Variants in IRS4 observed in about 807,000 individuals in gnomAD.
IRS4 encodes 160 kDa phosphotyrosine protein.
A neutral mutation model predicts 48.6 loss-of-function variants in IRS4; 15 were observed. That is an observed-to-expected ratio of 0.31 (90% CI 0.21 to 0.48). IRS4 has a LOEUF of 0.48. Ranked by LOEUF, IRS4 falls within the 20% of genes least tolerant of loss-of-function variation. The pLI, the probability that IRS4 is intolerant of heterozygous loss-of-function variation, is 0.99. For missense variants in IRS4, 987 were observed against 1,023.4 expected, an observed-to-expected ratio of 0.96 and a Z score of 0.49; for synonymous variants, 459 against 413.2, an observed-to-expected ratio of 1.11 and a Z score of -1.34.
Position 108,735,948 on chromosome X carries a change from CGG to C in IRS4, c.395_396del (p.Ala132GlyfsTer100). ...VRAAAAAAAA[A>X]ASGAAIPPLI... Reference sequence around the variant, plus strand: ...AGCGGGGGGATCGCGGCGCCAGAGGCGGCCGCCGCTGCTGCAGCCGCCGCGGC... The same window carrying C: ...AGCGGGGGGATCGCGGCGCCAGAGGCCCGCCGCTGCTGCAGCCGCCGCGGC... On this transcript the variant is annotated frameshift_variant, in exon 1 of 2. Coordinates refer to ENST00000372129, the MANE Select transcript of IRS4 (RefSeq NM_001379150.1). LOFTEE classifies it high-confidence loss of function. The C allele has an allele frequency of 8.3e-7, 1 of 1,203,341 alleles. No homozygotes were observed. Among genetic ancestry groups the C allele is most frequent in the Non-Finnish European group, 1.1e-6 (1 of 891,604 alleles).
In IRS4 at chrX:108,720,889, G is replaced by A. The variant is rs772291779; in HGVS notation, c.*1630C>T. The stretch of plus-strand genomic sequence containing the variant: ...ACCATCCCTTTGGTTGGTAGGCAAG[G>A]AAAAATAGAAGTCAACTCGGTTCTT... On this transcript the variant is annotated 3_prime_UTR_variant, in exon 2 of 2. Transcript: ENST00000372129. The A allele has an allele frequency of 2.9e-4, 33 of 112,100 alleles. No individual in the cohort carries two copies. The highest frequency in any genetic ancestry group is 9.1e-4 in the African/African-American group (28 of 30,870). 9.2% of individuals were successfully genotyped at this position (112,100 alleles called of 1,213,427 possible).
rs753856141 is a variant in IRS4, at chrX:108,734,554, C to T, written c.1791G>A (p.Gly597=). 3 of 1,211,706 alleles carry T rather than the reference C, an allele frequency of 2.5e-6. No individual in the cohort carries two copies. The East Asian group carries it at 8.9e-5, about 36-fold the overall frequency. Residue 597 remains glycine, a synonymous_variant, in exon 1 of 2, where the codon GGG becomes GGA. Coordinates refer to ENST00000372129, the MANE Select transcript of IRS4 (RefSeq NM_001379150.1). ...NSGGGKGSGS[G]KGSDGDGERG... is the part of the protein sequence containing the mutation. ...GTTCACCATCACCATCGGATCCTTT[C>T]CCACTTCCTGAGCCTTTGCCCCCCC...
rs757100988 is a variant in IRS4 at position 108,734,068 on chromosome X, T to G, written c.2277A>C (p.Pro759=). Residue 759 remains proline, a synonymous_variant, in exon 1 of 2, where the codon CCA becomes CCC. Coordinates refer to ENST00000372129, the MANE Select transcript of IRS4 (RefSeq NM_001379150.1). ...CCTCTTTATTAGTATCAGGTGCTTT[T>G]GGAGGACTCGGAGCAGGTGGTGGGC... ...RVSPPPAPSP[P]KAPDTNKEDD... is the part of the protein sequence containing the mutation. The G allele has an allele frequency of 6.6e-6, 8 of 1,211,826 alleles. No homozygotes were observed. The highest frequency in any genetic ancestry group is 8.9e-6 in the Non-Finnish European group (8 of 895,541).
chrX:108,725,944 T>G (rs1439142962), intron 1 of IRS4: 2 of 111,996 alleles, frequency 1.8e-5, no homozygotes, highest in Non-Finnish European at 3.8e-5. Flanking sequence ...CATTCCAGTC[T>G]TGAGTATCTG....
rs757264505 is a variant in IRS4, at chrX:108,735,259, G to A, written c.1086C>T (p.Gly362=). 2.5e-6 allele frequency: 3 copies of A among 1,209,912 alleles called. No individual in the cohort carries two copies. In the African/African-American group the frequency reaches 5.2e-5, roughly 21 times the overall value. ...AGCCTCCCGGCTCGAGCGGCACCAA[G>A]CCCAGGTGCCTCCTAGCGGACAGCA... The part of the protein sequence containing the change: ...LTLLSARRHL[G]LVPLEPGGWL... Residue 362 remains glycine (G), a synonymous_variant, in exon 1 of 2, where the codon GGC becomes GGT. Transcript: ENST00000372129.
chrX:108,735,907 G>A lies in IRS4; in HGVS notation c.438C>T (p.Arg146=), dbSNP rs993029329. The change falls in exon 1 of 2, where the codon CGC becomes CGT. Residue 146 remains arginine, a synonymous_variant. Transcript: ENST00000372129. ...AAAAGCACTGGTATAGGGTGATCAC[G>A]CGCCGCGGTGGAATGAGCGGGGGGA... ...AAIPPLIPPR[R]VITLYQCFSV... 1 of 1,209,720 alleles carries A rather than the reference G, an allele frequency of 8.3e-7. No individual in the cohort carries two copies. The highest frequency in any genetic ancestry group is 1.1e-6 in the Non-Finnish European group (1 of 894,600).
rs1157491332 is a variant in IRS4, at chrX:108,733,156, G to A, written c.3189C>T (p.Ser1063=). The A allele has an allele frequency of 5.0e-6, 6 of 1,209,054 alleles. No homozygotes were observed. The highest frequency in any genetic ancestry group is 1.1e-6 in the Non-Finnish European group (1 of 894,258). ...CTACAGGTGGTGGTTCAGAACATCG[G>A]CTGGGGGAGAGAGAAATATCCATAC... ...ECCMDISLSP[S]RCSEPPPVAR... Residue 1063 remains serine (S), a synonymous_variant, in exon 1 of 2, where the codon AGC becomes AGT. Transcript: ENST00000372129.
rs1409205730 is a variant in IRS4 at position 108,735,417 on chromosome X, G to T, written c.928C>A (p.Gln310Lys). The T allele has an allele frequency of 8.3e-7, 1 of 1,208,630 alleles. No homozygotes were observed. Among genetic ancestry groups the T allele is most frequent in the Non-Finnish European group, 1.1e-6 (1 of 894,981 alleles). ...TGGGCAACCACACAGTCATCGACCT[G>T]CATCCAGAGCTCTCCCGGACCGATG... The part of the protein sequence containing the change: ...TVIGPGELWM[Q>K]VDDCVVAQNM... Residue 310 changes from glutamine (Q) to lysine (K), a missense_variant, in exon 1 of 2, where the codon CAG becomes AAG. Around this residue, in one of 4 missense-constraint regions of IRS4, gnomAD observed 74 missense variants for 100.4 expected, o/e 0.74. Coordinates refer to ENST00000372129, the MANE Select transcript of IRS4 (RefSeq NM_001379150.1).
Position 108,736,556 on chromosome X carries a change from G to C in IRS4, c.-212C>G, listed in dbSNP as rs1004161101. ...GGCGGCCGCTGCGGATCCTGCTACC[G>C]GCGCAATGGAGGGGCGCGAGCGGCC... On this transcript the variant is annotated 5_prime_UTR_variant, in exon 1 of 2. Transcript: ENST00000372129. The C allele has an allele frequency of 2.7e-5, 16 of 602,640 alleles. No individual in the cohort carries two copies. The highest frequency in any genetic ancestry group is 2.3e-4 in the African/African-American group (10 of 43,883). 49.7% of individuals were successfully genotyped at this position (602,640 alleles called of 1,213,427 possible).
At chrX:108,726,926 C>A (rs947410702) in intron 1 of IRS4, 2 of 112,127 alleles carry the variant, frequency 1.8e-5, no homozygotes, top group African/African-American at 6.5e-5. Flanking sequence ...GTTGCCTCTG[C>A]AAGCTAAGTG....
chrX:108,734,202 T>C lies in IRS4; in HGVS notation c.2143A>G (p.Ser715Gly). 1 of 1,211,240 alleles carries C rather than the reference T, an allele frequency of 8.3e-7. No homozygotes were observed. Among genetic ancestry groups the C allele is most frequent in the Non-Finnish European group, 1.1e-6 (1 of 895,399 alleles). The change falls in exon 1 of 2, where the codon AGT (serine) becomes GGT (glycine). Residue 715 changes from serine (S) to glycine (G), a missense_variant. By Grantham distance (56) the Ser-to-Gly change is moderately conservative (BLOSUM62 0). Coordinates refer to ENST00000372129, the MANE Select transcript of IRS4 (RefSeq NM_001379150.1). ...PGVATPLVSS[S>G]DYMPMAPQNV... ...TGAGGAGCCATTGGCATATAATCAC[T>C]GGAGCTTACAAGAGGGGTGGCCACC...
At chrX:108,727,840 G>A (rs953852585) in intron 1 of IRS4, among the ~76,000 whole-genome samples, 1 of 112,148 alleles carries the variant, frequency 8.9e-6, no homozygotes, top group African/African-American at 3.2e-5. Context: ...CTACTTGCCT[G>A]ACTGCCAAAA....
At chrX:108,725,998 G>C (rs113672281) in intron 1 of IRS4, 1 of 111,976 alleles carries the variant, frequency 8.9e-6, no homozygotes, top group African/African-American at 3.3e-5. Flanking sequence ...TTCATGGTAG[G>C]TCAGCTTCTC....
Position 108,735,898 on chromosome X carries a change from G to A in IRS4, c.447C>T (p.Thr149=), listed in dbSNP as rs183046486. 6 of 1,207,082 alleles carry A rather than the reference G, an allele frequency of 5.0e-6. No homozygotes were observed. In the African/African-American group the frequency reaches 8.8e-5, roughly 18 times the overall value. The change falls in exon 1 of 2, where the codon ACC becomes ACT. Residue 149 remains threonine (T), a synonymous_variant. Transcript: ENST00000372129. ...GGCTCACGGAAAAGCACTGGTATAG[G>A]GTGATCACGCGCCGCGGTGGAATGA... The part of the protein sequence containing the change: ...PPLIPPRRVI[T]LYQCFSVSQR...
Position 108,732,841 on chromosome X carries a change from A to G in IRS4, c.3504T>C (p.Asn1168=), listed in dbSNP as rs2068912698. The G allele has an allele frequency of 1.7e-6, 2 of 1,174,097 alleles. No homozygotes were observed. Among genetic ancestry groups the G allele is most frequent in the Admixed American group, 2.4e-5 (1 of 41,182 alleles). ...ASARWFQPVA[N]AADAEAVRGA... ...CCCTTACTGCTTCGGCATCAGCAGCATTAGCAACAGGTTGAAACCAGCGGG... is the reference window on the plus strand; with the variant it reads ...CCCTTACTGCTTCGGCATCAGCAGCGTTAGCAACAGGTTGAAACCAGCGGG... The change falls in exon 1 of 2, where the codon AAT becomes AAC. Residue 1168 remains asparagine, a synonymous_variant. Coordinates refer to ENST00000372129, the MANE Select transcript of IRS4 (RefSeq NM_001379150.1).
At position 108,733,344 on chromosome X, in the gene IRS4, G is replaced by A. The variant is rs747324384; in HGVS notation, c.3001C>T (p.Pro1001Ser). The A allele has an allele frequency of 5.5e-5, 67 of 1,210,139 alleles. No homozygotes were observed. Among genetic ancestry groups the A allele is most frequent in the Non-Finnish European group, 7.4e-5 (66 of 895,260 alleles). The stretch of plus-strand genomic sequence containing the variant: ...GCATTGCTACCTGTAGCACTGAGGG[G>A]AAGGGGAGGAAGTGGCCACCTAGCA... ...DSARWPLPPL[P>S]LSATGSNAIE... Residue 1001 changes from proline to serine, a missense_variant, in exon 1 of 2, where the codon CCC (proline) becomes TCC (serine). By Grantham distance (74) the Pro-to-Ser change is moderately conservative (BLOSUM62 -1). This residue lies in a region of IRS4 where 720 missense variants were observed against 660.3 expected (regional missense o/e 1.09). Transcript: ENST00000372129.
Position 108,726,168 on chromosome X carries a change from C to A in IRS4, c.3767-3645G>T, listed in dbSNP as rs189441395. 3 of 112,639 alleles carry A rather than the reference C, an allele frequency of 2.7e-5. No homozygotes were observed. In the Admixed American group the frequency reaches 2.8e-4, roughly 11 times the overall value. 9.3% of individuals were successfully genotyped at this position (112,639 alleles called of 1,213,427 possible). ...TTAGTTGAAACTCAGAATAAATTATCTTGTAGAAACAATGTCATAAATTAA... is the reference window on the plus strand; with the variant it reads ...TTAGTTGAAACTCAGAATAAATTATATTGTAGAAACAATGTCATAAATTAA... On this transcript the variant is annotated intron_variant, in intron 1 of 1. Transcript: ENST00000372129.
intron 1 of IRS4, chrX:108,724,578 C>T (rs1471961580): frequency 2.7e-5 from 3 of 111,467 alleles, no homozygotes; most frequent in Non-Finnish European, 5.6e-5. Context: ...CAAAGAACAG[C>T]GTAAGGAAGC....
intron 1 of IRS4, among the ~76,000 whole-genome samples, chrX:108,730,269 T>G (rs759968486): frequency 9.1e-6 from 1 of 110,235 alleles, no homozygotes; most frequent in South Asian, 3.9e-4. Context: ...CAAAGTCATT[T>G]CCTACAATGG....
Sources: gnomAD v4.1 joint callset for allele counts (sites outside exome capture counted in the v4.1 genomes callset) on GRCh38, gnomAD v4.1.1 for gene constraint, gnomAD v4.1.1 regional missense constraint, MANE v1.5 for transcripts, NCBI Gene and HGNC (gene_info 2026-07-23, HGNC 2026-07-21) for gene names.